Variants in FGF14 observed in about 807,000 individuals in gnomAD.
FGF14 encodes fibroblast growth factor homologous factor 4.
A neutral mutation model predicts 25.5 loss-of-function variants in FGF14; 5 were observed. The ratio of observed to expected loss-of-function variants is 0.20; its 90% CI spans 0.10 to 0.41. The LOEUF is 0.41. FGF14 is among the 10% of genes least tolerant of loss of function. The pLI is 1.00. For synonymous variants in FGF14, 138 were observed against 118.3 expected (o/e 1.17, Z -1.08); for missense variants, 222 against 320.1 (o/e 0.69, Z 2.34).
chr13:101,870,701 C>G (rs1418848550), intron 2 of FGF14, among the ~76,000 whole-genome samples: 1 of 152,146 alleles, frequency 6.6e-6, no homozygotes, highest in Non-Finnish European at 1.5e-5. Flanking sequence ...GTGGTGTTAT[C>G]CCAGCACTTC....
At chr13:102,076,640 GAC>G (rs1403194404) in intron 1 of FGF14, among the ~76,000 whole-genome samples, 1 of 152,030 alleles carries the variant, frequency 6.6e-6, no homozygotes, top group Non-Finnish European at 1.5e-5. Flanking sequence ...ATAAATGGAA[GAC>G]ACAAATAAAT....
At chr13:101,941,018 T>C (rs1314116036) in intron 1 of FGF14, among the ~76,000 whole-genome samples, 2 of 152,138 alleles carry the variant, frequency 1.3e-5, no homozygotes, top group Non-Finnish European at 2.9e-5. Context: ...CAAGTCTTGA[T>C]CCTGCAGGTC....
chr13:102,120,790 A>G (rs1594036445), intron 1 of FGF14, among the ~76,000 whole-genome samples: 1 of 149,074 alleles, frequency 6.7e-6, no homozygotes, highest in Non-Finnish European at 1.5e-5. Flanking sequence ...TGCAACCACC[A>G]CCTTCCAGGC....
At chr13:102,058,035 C>T (rs2042514316) in intron 1 of FGF14, among the ~76,000 whole-genome samples, 2 of 152,132 alleles carry the variant, frequency 1.3e-5, no homozygotes, top group Admixed American at 6.5e-5. Context: ...AGAACATGTT[C>T]AAGGCAGATG....
chr13:102,104,342 T>C (rs79152711), intron 1 of FGF14, among the ~76,000 whole-genome samples: 5,459 of 152,308 alleles, frequency 0.036, 297 homozygotes, highest in East Asian at 0.26. Context: ...CAAAATTCTA[T>C]CATTAATTCA....
chr13:101,815,490 C>T (rs1437107249), intron 3 of FGF14, among the ~76,000 whole-genome samples: 1 of 151,950 alleles, frequency 6.6e-6, no homozygotes, highest in African/African-American at 2.4e-5. Context: ...TTCAGGCTGC[C>T]CTAAACCTTA....
chr13:102,298,102 C>T (rs72647470), intron 1 of FGF14, among the ~76,000 whole-genome samples: 1 of 151,984 alleles, frequency 6.6e-6, no homozygotes, highest in Non-Finnish European at 1.5e-5. Context: ...TGGCAAAACC[C>T]GGTAGAGGCA....
At chr13:101,905,935 A>T (rs868237843) in intron 1 of FGF14, among the ~76,000 whole-genome samples, 15 of 152,286 alleles carry the variant, frequency 9.8e-5, no homozygotes, top group African/African-American at 3.6e-4. Context: ...CATCCATGAA[A>T]TGAAAATAAT....
intron 3 of FGF14, among the ~76,000 whole-genome samples, chr13:101,849,615 A>C (rs955783672): frequency 2.0e-5 from 3 of 152,126 alleles, no homozygotes; most frequent in Non-Finnish European, 4.4e-5. Flanking sequence ...ATCTAGACAA[A>C]TATGAGGAAA....
intron 1 of FGF14, among the ~76,000 whole-genome samples, chr13:102,315,553 C>T (rs1293745010): frequency 6.6e-6 from 1 of 152,146 alleles, no homozygotes; most frequent in Non-Finnish European, 1.5e-5. Flanking sequence ...TAACCCAATA[C>T]TGCAAAAAGG....
intron 2 of FGF14, among the ~76,000 whole-genome samples, chr13:101,874,629 T>C (rs1456642169): frequency 6.6e-6 from 1 of 152,126 alleles, no homozygotes; most frequent in Non-Finnish European, 1.5e-5. Context: ...TTAAAAATGA[T>C]CACAGATGCA....
intron 3 of FGF14, among the ~76,000 whole-genome samples, chr13:101,863,540 C>A (rs1023410087): frequency 6.6e-6 from 1 of 152,084 alleles, no homozygotes; most frequent in Admixed American, 6.6e-5. Flanking sequence ...TTATGAGAAT[C>A]GGCATGTAAA....
intron 1 of FGF14, among the ~76,000 whole-genome samples, chr13:101,884,739 GA>G: frequency 6.6e-6 from 1 of 151,984 alleles, no homozygotes; most frequent in East Asian, 1.9e-4. Context: ...TTGCTGCTTT[GA>G]AAAAAATCTT....
intron 1 of FGF14, among the ~76,000 whole-genome samples, chr13:102,326,553 T>C (rs528409784): frequency 1.3e-5 from 2 of 149,870 alleles, no homozygotes; most frequent in East Asian, 3.9e-4. Flanking sequence ...AAGTTGGCTA[T>C]GAAATGGGGT....
intron 1 of FGF14, among the ~76,000 whole-genome samples, chr13:102,043,327 A>C (rs1392866782): frequency 6.6e-6 from 1 of 152,172 alleles, no homozygotes; most frequent in African/African-American, 2.4e-5. Flanking sequence ...TAAAGCCACT[A>C]ACCACTCAGA....
At chr13:101,999,446 A>G (rs2039361991) in intron 1 of FGF14, among the ~76,000 whole-genome samples, 1 of 151,992 alleles carries the variant, frequency 6.6e-6, no homozygotes, top group African/African-American at 2.4e-5. Context: ...CAAAAGCAGC[A>G]AACTATTTTG....
chr13:101,835,287 T>C (rs2042870657), intron 3 of FGF14, among the ~76,000 whole-genome samples: 4 of 151,638 alleles, frequency 2.6e-5, no homozygotes, highest in Admixed American at 2.6e-4. Context: ...GAGAGATTGA[T>C]TTATATTTCC....
chr13:102,180,466 C>G (rs1190728945), intron 1 of FGF14, among the ~76,000 whole-genome samples: 1 of 152,090 alleles, frequency 6.6e-6, no homozygotes, highest in East Asian at 1.9e-4. Flanking sequence ...GCACCTGCCA[C>G]CATGCCCAGC....
intron 1 of FGF14, among the ~76,000 whole-genome samples, chr13:102,083,664 A>G (rs2043747592): frequency 6.6e-6 from 1 of 152,188 alleles, no homozygotes; most frequent in African/African-American, 2.4e-5. Context: ...ACCAATGTAT[A>G]CCTTTCATGT....
Sources: gnomAD v4.1 joint callset for allele counts (sites outside exome capture counted in the v4.1 genomes callset) on GRCh38, gnomAD v4.1.1 for gene constraint, MANE v1.5 for transcripts, NCBI Gene and HGNC (gene_info 2026-07-23, HGNC 2026-07-21) for gene names.